CNOT4: variants seen among roughly 807,000 people sequenced by gnomAD.
CNOT4 encodes CCR4-associated factor 4.
In CNOT4, 8 loss-of-function variants were observed where a neutral mutation model predicts 73.8. That is an observed-to-expected ratio of 0.11 (90% confidence interval 0.06 to 0.20). The LOEUF is 0.20. Ranked by LOEUF, CNOT4 falls within the 10% of genes least tolerant of loss-of-function variation. The pLI is 1.00. For synonymous variants in CNOT4, 293 were observed against 321.1 expected, an observed-to-expected ratio of 0.91 and a Z score of 0.94; for missense variants, 564 against 883.4, an observed-to-expected ratio of 0.64 and a Z score of 4.58.
At position 135,362,832 on chromosome 7, in the gene CNOT4, G is replaced by A; in HGVS notation, c.*53C>T. On this transcript the variant is annotated 3_prime_UTR_variant, in exon 12 of 12. Coordinates refer to ENST00000541284, the MANE Select transcript of CNOT4 (RefSeq NM_001190850.2). ...GAGCTGTGGGTGGTGGGCTGAGAGG[G>A]AGAAAACAGAGTGGGACAAATCCTG... 8 of 1,485,892 alleles carry A rather than the reference G, an allele frequency of 5.4e-6. No homozygotes were observed. The highest frequency in any genetic ancestry group is 7.5e-6 in the Non-Finnish European group (8 of 1,063,070). 92.0% of individuals were successfully genotyped at this position (1,485,892 alleles called of 1,614,324 possible). A position where few individuals can be genotyped will look rare whatever the true frequency, so the allele number is the denominator to read the frequency against.
intron 1 of CNOT4, among the ~76,000 whole-genome samples, chr7:135,442,938 G>A (rs1286486170): frequency 5.9e-5 from 9 of 151,900 alleles, no homozygotes. Flanking sequence ...GTGTGCCTGT[G>A]GTTCCAGCTA....
intron 2 of CNOT4, among the ~76,000 whole-genome samples, chr7:135,428,694 A>G (rs1430460751): frequency 6.6e-6 from 1 of 152,196 alleles, no homozygotes; most frequent in African/African-American, 2.4e-5. Flanking sequence ...AAAAGAGATT[A>G]AGAGACATAG....
chr7:135,412,424 T>A (rs528583877), intron 6 of CNOT4, among the ~76,000 whole-genome samples: 1 of 151,938 alleles, frequency 6.6e-6, no homozygotes, highest in Non-Finnish European at 1.5e-5. Flanking sequence ...GTTTGAAATT[T>A]TGAAATGGTT....
intron 1 of CNOT4, among the ~76,000 whole-genome samples, chr7:135,442,670 A>T (rs1227945831): frequency 6.6e-6 from 1 of 152,254 alleles, no homozygotes; most frequent in African/African-American, 2.4e-5. Flanking sequence ...TACAAGACAT[A>T]GAAATATCTT....
At chr7:135,445,112 T>C (rs1057072997) in intron 1 of CNOT4, among the ~76,000 whole-genome samples, 15 of 152,232 alleles carry the variant, frequency 9.9e-5, no homozygotes, top group African/African-American at 3.1e-4. Flanking sequence ...AGAGGAACTA[T>C]ATCTAAGAAA....
chr7:135,433,513 C>T (rs1798977876), intron 2 of CNOT4, among the ~76,000 whole-genome samples: 1 of 151,534 alleles, frequency 6.6e-6, no homozygotes, highest in Admixed American at 6.6e-5. Context: ...TGTGCCACCA[C>T]ACTCAGCTAA....
chr7:135,438,525 C>A (rs1010192577), intron 1 of CNOT4, 102 bp from the exon 2 acceptor site: 6 of 394,652 alleles, frequency 1.5e-5, no homozygotes, highest in African/African-American at 1.2e-4. Context: ...ACTGACTGAG[C>A]AACTACTGTT....
At chr7:135,495,690 A>AAAAGAAAGAAAGAAAG (rs796412528) in intron 1 of CNOT4, among the ~76,000 whole-genome samples, 4 of 38,658 alleles carry the variant, frequency 1.0e-4, no homozygotes, top group Non-Finnish European at 1.0e-4. Flanking sequence ...AAAAAAAAAA[A>AAAAGAAAGAAAGAAAG]AAAGAAAGAA....
At chr7:135,447,230 C>T (rs898921031) in intron 1 of CNOT4, among the ~76,000 whole-genome samples, 6 of 152,218 alleles carry the variant, frequency 3.9e-5, no homozygotes, top group East Asian at 1.9e-4. Flanking sequence ...ATAAACTACA[C>T]GAAGACAAAA....
intron 1 of CNOT4, among the ~76,000 whole-genome samples, chr7:135,462,776 A>G (rs1043471909): frequency 6.6e-5 from 10 of 152,260 alleles, no homozygotes; most frequent in Non-Finnish European, 1.2e-4. Context: ...AGGTTTCTAT[A>G]GACCTGAGCT....
In CNOT4 at chr7:135,479,049, G is replaced by A. The variant is rs532993769; in HGVS notation, c.-93+30840C>T. 3.3e-5 allele frequency among the ~76,000 whole-genome samples: 5 copies of A among 152,130 alleles called. 1 individual carries two copies. The highest frequency in any genetic ancestry group is 9.6e-5 in the African/African-American group (4 of 41,494). On this transcript the variant is annotated intron_variant, in intron 1 of 11. Transcript: ENST00000541284. ...CAGTCTACAGATTAATTGACATAGA[G>A]CCAGTATATTTGTAGAACAAATTCT...
intron 1 of CNOT4, among the ~76,000 whole-genome samples, chr7:135,483,204 G>A (rs1802498982): frequency 6.7e-6 from 1 of 148,532 alleles, no homozygotes; most frequent in Non-Finnish European, 1.5e-5. Flanking sequence ...AAAATCAGCT[G>A]CCACATGCCT....
chr7:135,490,038 C>G (rs1803003438), intron 1 of CNOT4, among the ~76,000 whole-genome samples: 1 of 152,184 alleles, frequency 6.6e-6, no homozygotes, highest in African/African-American at 2.4e-5. Flanking sequence ...TCTTTATATA[C>G]AGTGTAGTAT....
intron 10 of CNOT4, among the ~76,000 whole-genome samples, chr7:135,379,393 T>C (rs1213181055): frequency 6.6e-6 from 1 of 152,196 alleles, no homozygotes; most frequent in Non-Finnish European, 1.5e-5. Flanking sequence ...AATCAAGATA[T>C]GTTACACTTG....
Position 135,393,933 on chromosome 7 carries a change from C to G in CNOT4, c.1612G>C (p.Gly538Arg), listed in dbSNP as rs771293695. ...ATGAACCTACCTGCTACAGGGATCC[C>G]TCCCAGACCTGTGTTGTGCTGTGGC... ...LPPQHNTGLG[G>R]IPVADNSSSV... The change falls in exon 10 of 12, where the codon GGG (glycine) becomes CGG (arginine). Residue 538 changes from glycine (G) to arginine (R), a missense_variant. Physicochemically the swap from Gly to Arg is moderately radical, Grantham distance 125 (BLOSUM62 -2). Around this residue, in one of 10 missense-constraint regions of CNOT4, gnomAD observed 153 missense variants for 158.7 expected, o/e 0.96. Coordinates refer to ENST00000541284, the MANE Select transcript of CNOT4 (RefSeq NM_001190850.2). 1 of 1,611,908 alleles carries G rather than the reference C, an allele frequency of 6.2e-7. No individual in the cohort carries two copies. Among genetic ancestry groups the G allele is most frequent in the Non-Finnish European group, 8.5e-7 (1 of 1,178,638 alleles).
At chr7:135,495,758 G>GAAAT (rs1563083654) in intron 1 of CNOT4, among the ~76,000 whole-genome samples, 2 of 123,312 alleles carry the variant, frequency 1.6e-5, no homozygotes, top group African/African-American at 3.2e-5. Context: ...AAGAAAGAAA[G>GAAAT]AAAGAAATTT....
chr7:135,384,575 G>A (rs540835647), intron 10 of CNOT4: 8 of 718,420 alleles, frequency 1.1e-5, no homozygotes, highest in East Asian at 5.1e-5. Context: ...GTGAGCCACC[G>A]CGCCTGGCCA....
intron 1 of CNOT4, among the ~76,000 whole-genome samples, chr7:135,490,945 A>G (rs1044179500): frequency 2.0e-5 from 3 of 152,242 alleles, no homozygotes; most frequent in African/African-American, 7.2e-5. Flanking sequence ...AATTCTGGAT[A>G]TGTTTTAAAG....
chr7:135,403,162 A>T (rs918128663), intron 7 of CNOT4, among the ~76,000 whole-genome samples: 1 of 152,208 alleles, frequency 6.6e-6, no homozygotes, highest in Non-Finnish European at 1.5e-5. Context: ...GACATTTCCA[A>T]ATTTCACTGT....
Sources: allele counts gnomAD v4.1 joint callset (sites outside exome capture counted in the v4.1 genomes callset), GRCh38; gene constraint gnomAD v4.1.1; regional missense constraint gnomAD v4.1.1; transcripts MANE v1.5; gene names NCBI Gene and HGNC (gene_info 2026-07-23, HGNC 2026-07-21).